Variants in PDE4B observed in about 807,000 individuals in gnomAD.
PDE4B encodes 3',5'-cyclic-AMP phosphodiesterase 4B.
In PDE4B, 20 loss-of-function variants were observed where a neutral mutation model predicts 82.2. That is an observed-to-expected ratio of 0.24 (90% CI 0.17 to 0.35). The LOEUF is 0.35. PDE4B is among the 10% of genes least tolerant of loss of function. The probability of loss-of-function intolerance (pLI) is 1.00; values close to 1 mark genes in which losing one functional copy is unlikely to be tolerated. For missense variants in PDE4B, 655 were observed against 907.2 expected (o/e 0.72, Z 3.57); for synonymous variants, 320 against 318.9 (o/e 1.00, Z -0.04).
At chr1:66,280,207 C>T (rs1279428107) in intron 7 of PDE4B, among the ~76,000 whole-genome samples, 1 of 152,150 alleles carries the variant, frequency 6.6e-6, no homozygotes, top group African/African-American at 2.4e-5. Flanking sequence ...TTTTGAAAAC[C>T]AAATGATAGT....
At position 65,891,864 on chromosome 1, in the gene PDE4B, T is replaced by C. The variant is rs1646856403; in HGVS notation, c.-70-21381T>C. On this transcript the variant is annotated intron_variant, in intron 1 of 16. Transcript: ENST00000341517. ...CTCATTGTGAAAAATAAAATCAGTC[T>C]TTTAGAGGTCAAATAATTATTCTAG... Among the ~76,000 whole-genome samples, 2 of 152,042 alleles carry C rather than the reference T, an allele frequency of 1.3e-5. 1 individual carries two copies. Among genetic ancestry groups the C allele is most frequent in the Non-Finnish European group, 2.9e-5 (2 of 67,972 alleles).
Position 65,992,770 on chromosome 1 carries a change from C to T in PDE4B, c.281+73935C>T. 2.1e-6 allele frequency: 3 copies of T among 1,415,606 alleles called. No individual in the cohort carries two copies. The South Asian group carries it at 4.9e-5, about 23-fold the overall frequency. 87.7% of individuals were successfully genotyped at this position (1,415,606 alleles called of 1,614,324 possible). ...TATGCTGCTCTTGCTCTAAGACGCT[C>T]ATACATTGGAGTCACAGCTTCGTAA... On this transcript the variant is annotated intron_variant, in intron 3 of 16. Coordinates refer to ENST00000341517, the MANE Select transcript of PDE4B (RefSeq NM_002600.4).
intron 3 of PDE4B, among the ~76,000 whole-genome samples, chr1:65,989,782 A>G (rs1487977711): frequency 2.0e-5 from 3 of 152,052 alleles, no homozygotes; most frequent in Non-Finnish European, 4.4e-5. Flanking sequence ...TTGCTGAAAT[A>G]TAGCATAGGA....
intron 7 of PDE4B, among the ~76,000 whole-genome samples, chr1:66,301,453 G>A (rs1657891650): frequency 6.6e-6 from 1 of 152,086 alleles, no homozygotes; most frequent in Non-Finnish European, 1.5e-5. Flanking sequence ...CTATGTCACA[G>A]AGGAGGAACC....
At chr1:65,819,076 A>G (rs866013133) in intron 1 of PDE4B, among the ~76,000 whole-genome samples, 3 of 152,158 alleles carry the variant, frequency 2.0e-5, no homozygotes, top group East Asian at 1.9e-4. Flanking sequence ...AACATTGCCA[A>G]TTGCCATAGC....
At chr1:66,063,529 T>A (rs1039555232) in intron 3 of PDE4B, among the ~76,000 whole-genome samples, 17 of 151,984 alleles carry the variant, frequency 1.1e-4, no homozygotes, top group African/African-American at 4.1e-4. Context: ...ATTATACATG[T>A]TTATGGAGTA....
chr1:65,822,928 AT>A (rs957268025), intron 1 of PDE4B, among the ~76,000 whole-genome samples: 5 of 151,974 alleles, frequency 3.3e-5, no homozygotes, highest in African/African-American at 4.8e-5. Context: ...ACTGCTCAAG[AT>A]TTTTTTTCCA....
chr1:65,944,383 G>C (rs1292503644), intron 3 of PDE4B, among the ~76,000 whole-genome samples: 1 of 151,632 alleles, frequency 6.6e-6, no homozygotes, highest in Non-Finnish European at 1.5e-5. Flanking sequence ...GATGATTTTT[G>C]CATCTGTGTT....
At chr1:66,155,546 G>C (rs1351303536) in intron 3 of PDE4B, among the ~76,000 whole-genome samples, 1 of 151,754 alleles carries the variant, frequency 6.6e-6, no homozygotes, top group Non-Finnish European at 1.5e-5. Context: ...ATAATCTAGA[G>C]CTGATTTTAT....
chr1:65,883,230 T>C (rs1437171414), intron 1 of PDE4B, among the ~76,000 whole-genome samples: 1 of 152,228 alleles, frequency 6.6e-6, no homozygotes, highest in Non-Finnish European at 1.5e-5. Flanking sequence ...GCATTGAATC[T>C]ATAAATTACT....
At chr1:66,347,609 C>T (rs1303666915) in intron 8 of PDE4B, among the ~76,000 whole-genome samples, 3 of 152,190 alleles carry the variant, frequency 2.0e-5, no homozygotes, top group Non-Finnish European at 2.9e-5. Flanking sequence ...TAGGCTGTCC[C>T]AGCCCTGAGA....
chr1:66,037,589 C>T (rs1420474830), intron 3 of PDE4B, among the ~76,000 whole-genome samples: 4 of 151,948 alleles, frequency 2.6e-5, no homozygotes, highest in South Asian at 2.1e-4. Context: ...TCATCATTTC[C>T]TATTTTGATG....
intron 3 of PDE4B, among the ~76,000 whole-genome samples, chr1:66,013,214 C>A (rs1321507410): frequency 6.6e-6 from 1 of 151,938 alleles, no homozygotes; most frequent in Admixed American, 6.6e-5. Flanking sequence ...TGTTTTTTTA[C>A]CTTAGGATTT....
chr1:66,325,779 A>C (rs1259482838), intron 7 of PDE4B, among the ~76,000 whole-genome samples: 1 of 152,218 alleles, frequency 6.6e-6, no homozygotes, highest in Non-Finnish European at 1.5e-5. Context: ...TCATCAGGAA[A>C]GTGACCCAGG....
At position 66,099,252 on chromosome 1, in the gene PDE4B, G is replaced by A. The variant is rs542991856; in HGVS notation, c.282-148208G>A. 1.4e-4 allele frequency among the ~76,000 whole-genome samples: 21 copies of A among 152,146 alleles called. No homozygotes were observed. The South Asian group carries it at 4.4e-3, about 32-fold the overall frequency. ...TCTGTTCCTGTGTTAGTTTGCTGAG[G>A]ATAATGGCTTCCAGCTCCATCCATG... On this transcript the variant is annotated intron_variant, in intron 3 of 16. Coordinates refer to ENST00000341517, the MANE Select transcript of PDE4B (RefSeq NM_002600.4).
chr1:65,871,479 C>T (rs1646572520), intron 1 of PDE4B, among the ~76,000 whole-genome samples: 1 of 152,216 alleles, frequency 6.6e-6, no homozygotes, highest in Non-Finnish European at 1.5e-5. Context: ...TTCTCGAAGC[C>T]TCTGTTTCCT....
At chr1:65,902,691 A>G (rs895658875) in intron 1 of PDE4B, among the ~76,000 whole-genome samples, 10 of 152,292 alleles carry the variant, frequency 6.6e-5, no homozygotes, top group African/African-American at 2.2e-4. Flanking sequence ...CAATGCCTAT[A>G]CAGTACACAG....
chr1:66,096,519 T>A (rs948443829), intron 3 of PDE4B, among the ~76,000 whole-genome samples: 1 of 138,816 alleles, frequency 7.2e-6, no homozygotes, highest in Non-Finnish European at 1.6e-5. Flanking sequence ...TATATATATA[T>A]ATATATATAT....
chr1:66,323,280 G>A (rs1313914975), intron 7 of PDE4B, among the ~76,000 whole-genome samples: 1 of 152,010 alleles, frequency 6.6e-6, no homozygotes, highest in East Asian at 1.9e-4. Flanking sequence ...CCTCTCCCTT[G>A]ACACTTAATT....
Sources: allele counts gnomAD v4.1 joint callset (sites outside exome capture counted in the v4.1 genomes callset), GRCh38; gene constraint gnomAD v4.1.1; transcripts MANE v1.5; gene names NCBI Gene and HGNC (gene_info 2026-07-23, HGNC 2026-07-21).